MGMT: variants seen among roughly 807,000 people sequenced by gnomAD.
The protein encoded by MGMT is O-6-methylguanine-DNA methyltransferase.
In MGMT, 14 loss-of-function variants were observed where a neutral mutation model predicts 15.9. The observed-to-expected ratio is 0.88, with a 90% confidence interval of 0.58 to 1.37. MGMT has a LOEUF of 1.37. MGMT is among the 40% of genes most tolerant of loss of function. MGMT has a pLI of 0.00. For synonymous variants in MGMT, 130 were observed against 118.2 expected, an observed-to-expected ratio of 1.10 and a Z score of -0.65; for missense variants, 282 against 268.1, an observed-to-expected ratio of 1.05 and a Z score of -0.36.
chr10:129,591,664 G>T (rs906322705), intron 2 of MGMT, among the ~76,000 whole-genome samples: 1 of 152,230 alleles, frequency 6.6e-6, no homozygotes, highest in Non-Finnish European at 1.5e-5. Flanking sequence ...GGACGCGGTG[G>T]CTCACGCCTG....
intron 2 of MGMT, among the ~76,000 whole-genome samples, chr10:129,588,620 A>G (rs1846644787): frequency 6.6e-6 from 1 of 152,086 alleles, no homozygotes; most frequent in African/African-American, 2.4e-5. Context: ...GATGTTTGTG[A>G]GTAGCATGGG....
Position 129,731,425 on chromosome 10 carries a change from C to T in MGMT, c.274+23382C>T, listed in dbSNP as rs1454917409. Among the ~76,000 whole-genome samples, 3 of 140,870 alleles carry T rather than the reference C, an allele frequency of 2.1e-5. No individual in the cohort carries two copies. In the Admixed American group the frequency reaches 2.4e-4, roughly 11 times the overall value. 92.4% of individuals were successfully genotyped at this position (140,870 alleles called of 152,430 possible). A position where few individuals can be genotyped will look rare whatever the true frequency, so the allele number is the denominator to read the frequency against. On this transcript the variant is annotated intron_variant, in intron 3 of 4. Transcript: ENST00000651593. Reference sequence around the variant, plus strand: ...TTGCCCAAGCTTGAGTGCAGTGACACGATCTCGGCTTACTGCAACATCTGC... The same window carrying T: ...TTGCCCAAGCTTGAGTGCAGTGACATGATCTCGGCTTACTGCAACATCTGC...
chr10:129,630,789 G>A (rs970105200), intron 2 of MGMT, among the ~76,000 whole-genome samples: 5 of 152,254 alleles, frequency 3.3e-5, no homozygotes, highest in African/African-American at 1.2e-4. Flanking sequence ...AGTGCCATGA[G>A]AAGGTAAAGC....
intron 1 of MGMT, among the ~76,000 whole-genome samples, chr10:129,520,952 C>T (rs113761286): frequency 0.017 from 2,321 of 138,116 alleles, 55 homozygotes; most frequent in Non-Finnish European, 0.017. Flanking sequence ...CTAAGGTGTG[C>T]CTACAGAGCC....
chr10:129,566,922 A>T lies in MGMT; in HGVS notation c.125+30545A>T, dbSNP rs1393118514. On this transcript the variant is annotated intron_variant, in intron 2 of 4. Coordinates refer to ENST00000651593, the MANE Select transcript of MGMT (RefSeq NM_002412.5). The surrounding 1 kb of genome is among the most constrained non-coding windows in gnomAD (Gnocchi z 4.1). ...GTGGCCAGTGAGCAATCCGTCATCA[A>T]TGGAGATCAATACCCAGGAGGTGCC... Among the ~76,000 whole-genome samples, 1 of 152,116 alleles carries T rather than the reference A, an allele frequency of 6.6e-6. No homozygotes were observed. The highest frequency in any genetic ancestry group is 1.5e-5 in the Non-Finnish European group (1 of 68,024).
chr10:129,611,833 T>G (rs1400800880), intron 2 of MGMT, among the ~76,000 whole-genome samples: 1 of 152,186 alleles, frequency 6.6e-6, no homozygotes, highest in Non-Finnish European at 1.5e-5. Context: ...TGGGGTGTGA[T>G]GCACTGGTCC....
At chr10:129,687,462 A>G (rs957976779) in intron 2 of MGMT, among the ~76,000 whole-genome samples, 10 of 152,212 alleles carry the variant, frequency 6.6e-5, no homozygotes, top group African/African-American at 2.2e-4. Context: ...GGGGGGACCC[A>G]GAAGAGGGTT....
At chr10:129,582,418 A>C (rs1384900381) in intron 2 of MGMT, among the ~76,000 whole-genome samples, 1 of 152,204 alleles carries the variant, frequency 6.6e-6, no homozygotes, top group African/African-American at 2.4e-5. Flanking sequence ...CCAGGCATTG[A>C]AAAAATAACA....
At chr10:129,691,921 G>C (rs1338496410) in intron 2 of MGMT, among the ~76,000 whole-genome samples, 1 of 152,188 alleles carries the variant, frequency 6.6e-6, no homozygotes, top group South Asian at 2.1e-4. Context: ...CCACTTAGCT[G>C]CATGGCCTTG....
chr10:129,548,475 A>G (rs558154240), intron 2 of MGMT, among the ~76,000 whole-genome samples: 1 of 152,350 alleles, frequency 6.6e-6, no homozygotes, highest in South Asian at 2.1e-4. Context: ...TGGAAGAGTT[A>G]TTGTACAACC....
chr10:129,619,525 A>G (rs1482359847), intron 2 of MGMT, among the ~76,000 whole-genome samples: 1 of 152,072 alleles, frequency 6.6e-6, no homozygotes, highest in Non-Finnish European at 1.5e-5. Flanking sequence ...GAACTGATGT[A>G]TTCTCTCTTG....
At chr10:129,754,016 C>T (rs538288597) in intron 3 of MGMT, among the ~76,000 whole-genome samples, 18 of 152,122 alleles carry the variant, frequency 1.2e-4, no homozygotes, top group African/African-American at 2.2e-4. Flanking sequence ...AACCCTTTTC[C>T]GTCCTCTTAA....
chr10:129,527,251 C>T (rs994379663), intron 1 of MGMT, among the ~76,000 whole-genome samples: 13 of 152,204 alleles, frequency 8.5e-5, no homozygotes, highest in African/African-American at 1.9e-4. Context: ...GTACTCTCAG[C>T]AACACGGCTG....
intron 2 of MGMT, among the ~76,000 whole-genome samples, chr10:129,616,225 T>C (rs891148355): frequency 6.6e-6 from 1 of 152,194 alleles, no homozygotes; most frequent in African/African-American, 2.4e-5. Flanking sequence ...TACTCCTACA[T>C]ACATGCCACA....
rs375213277 is a variant in MGMT at position 129,730,973 on chromosome 10, G to A, written c.274+22930G>A. Among the ~76,000 whole-genome samples the A allele has an allele frequency of 3.3e-5, 5 of 152,194 alleles. No homozygotes were observed. The East Asian group carries it at 7.7e-4, about 23-fold the overall frequency. On this transcript the variant is annotated intron_variant, in intron 3 of 4. Coordinates refer to ENST00000651593, the MANE Select transcript of MGMT (RefSeq NM_002412.5). ...GAGGCTCTAAGTATTGGGAAAGTGA[G>A]TATAAATACGCCTCTGGGGGAGCTT...
chr10:129,735,422 T>C (rs1848549076), intron 3 of MGMT, among the ~76,000 whole-genome samples: 1 of 152,254 alleles, frequency 6.6e-6, no homozygotes, highest in Admixed American at 6.5e-5. Flanking sequence ...TTTATCATTT[T>C]TTATTGCGTC....
chr10:129,478,699 G>T (rs1272620384), intron 1 of MGMT, among the ~76,000 whole-genome samples: 1 of 152,206 alleles, frequency 6.6e-6, no homozygotes, highest in Non-Finnish European at 1.5e-5. Context: ...GCCTTGCAGT[G>T]CAGGCTGGCA....
intron 2 of MGMT, among the ~76,000 whole-genome samples, chr10:129,665,827 A>G (rs984064819): frequency 6.6e-6 from 1 of 152,232 alleles, no homozygotes; most frequent in African/African-American, 2.4e-5. Flanking sequence ...GACTGAAGAG[A>G]CATGGCGACT....
Position 129,675,240 on chromosome 10 carries a change from G to A in MGMT, c.126-32655G>A, listed in dbSNP as rs1000842596. Among the ~76,000 whole-genome samples the A allele has an allele frequency of 2.0e-4, 31 of 152,236 alleles. No homozygotes were observed. The East Asian group carries it at 2.9e-3, about 14-fold the overall frequency. On this transcript the variant is annotated intron_variant, in intron 2 of 4. Transcript: ENST00000651593. ...GAGGCCATTTGGATGGAGAAGCCACGGGCAACCAGAGGAGTTTCGTCTCGA... is the reference window on the plus strand; with the variant it reads ...GAGGCCATTTGGATGGAGAAGCCACAGGCAACCAGAGGAGTTTCGTCTCGA...
Sources: gnomAD v4.1 joint callset for allele counts (sites outside exome capture counted in the v4.1 genomes callset) on GRCh38, gnomAD v4.1.1 for gene constraint, Gnocchi (gnomAD v3.1) non-coding constraint, MANE v1.5 for transcripts, NCBI Gene and HGNC (gene_info 2026-07-23, HGNC 2026-07-21) for gene names.